The following SORL1 variants were observed in gnomAD, a reference collection of about 807,000 sequenced individuals.
SORL1 encodes the protein sortilin-related receptor.
In SORL1, 127 loss-of-function variants were observed where a neutral mutation model predicts 273.7. That is an observed-to-expected ratio of 0.46 (90% CI 0.40 to 0.54). The LOEUF is 0.54. SORL1 is among the 20% of genes least tolerant of loss of function. The probability of loss-of-function intolerance (pLI) is 0.00; values close to 1 mark genes in which losing one functional copy is unlikely to be tolerated. For missense variants in SORL1, 2,494 were observed against 2,846.1 expected (o/e 0.88, Z 2.81); for synonymous variants, 1,031 against 1,067.4 (o/e 0.97, Z 0.66).
chr11:121,502,401 G>C (rs190813352), intron 6 of SORL1, among the ~76,000 whole-genome samples: 5 of 152,244 alleles, frequency 3.3e-5, no homozygotes, highest in Admixed American at 3.3e-4. Flanking sequence ...CTCCCAAAGT[G>C]CTGGGATTAC....
chr11:121,476,038 C>T (rs369376261), intron 2 of SORL1, among the ~76,000 whole-genome samples: 214 of 152,290 alleles, frequency 1.4e-3, no homozygotes, highest in Non-Finnish European at 1.7e-3. Flanking sequence ...AGGAGTATTA[C>T]ATACTGAAAA....
intron 28 of SORL1, 138 bp from the exon 29 acceptor site, chr11:121,589,121 T>C: frequency 1.2e-6 from 1 of 869,404 alleles, no homozygotes; most frequent in East Asian, 2.5e-5. Context: ...GTTTGGCTTT[T>C]GCTTTCAAGG....
In SORL1 at chr11:121,627,506, G is replaced by A; in HGVS notation, c.6365-49G>A. 6.6e-7 allele frequency: 1 copy of A among 1,522,514 alleles called. No homozygotes were observed. The highest frequency in any genetic ancestry group is 9.1e-7 in the Non-Finnish European group (1 of 1,097,542). The allele number at this position is 1,522,514 out of a possible 1,614,324, so 94.3% of individuals were successfully genotyped here. A position where few individuals can be genotyped will look rare whatever the true frequency, so the allele number is the denominator to read the frequency against. ...GGGGCCTTGAGGAGTCATCTGGTCT[G>A]TTCTCCTGCCCTCAGGTGGGCTTAT... On this transcript the variant is annotated intron_variant, in intron 46 of 47. Coordinates refer to ENST00000260197, the MANE Select transcript of SORL1 (RefSeq NM_003105.6). The surrounding 1 kb of genome is among the most constrained non-coding windows in gnomAD (Gnocchi z 4.9).
intron 35 of SORL1, 138 bp from the exon 36 acceptor site, chr11:121,606,707 C>A: frequency 1.5e-6 from 1 of 653,604 alleles, no homozygotes; most frequent in South Asian, 1.9e-5. Context: ...AATGTGACGA[C>A]CAAGCTAGCA....
Position 121,535,170 on chromosome 11 carries a change from C to T in SORL1, c.1685+2618C>T, listed in dbSNP as rs368353423. Among the ~76,000 whole-genome samples the T allele has an allele frequency of 3.0e-4, 46 of 152,196 alleles. No homozygotes were observed. In the East Asian group the frequency reaches 7.1e-3, roughly 24 times the overall value. The stretch of plus-strand genomic sequence containing the variant: ...TTGCACAGCTCCAAGGGGACCACTG[C>T]CACTGTGCTCCATGTCAATGACAAC... On this transcript the variant is annotated intron_variant, in intron 12 of 47. Coordinates refer to ENST00000260197, the MANE Select transcript of SORL1 (RefSeq NM_003105.6).
intron 21 of SORL1, among the ~76,000 whole-genome samples, chr11:121,565,361 G>A (rs1862740253): frequency 6.6e-6 from 1 of 152,144 alleles, no homozygotes; most frequent in African/African-American, 2.4e-5. Flanking sequence ...TGTTGCCATA[G>A]CATTGTGATT....
At chr11:121,575,601 C>T (rs1412533852) in intron 24 of SORL1, among the ~76,000 whole-genome samples, 1 of 152,246 alleles carries the variant, frequency 6.6e-6, no homozygotes, top group African/African-American at 2.4e-5. Flanking sequence ...AGTTAACCAG[C>T]AGAGCAGAGC....
chr11:121,576,887 C>T (rs1321621577), intron 24 of SORL1: 1 of 1,535,638 alleles, frequency 6.5e-7, no homozygotes, highest in Non-Finnish European at 8.7e-7. Flanking sequence ...AAACCACAGG[C>T]TGTGTCTGTA....
At chr11:121,511,290 AT>A (rs1162289579) in intron 6 of SORL1, among the ~76,000 whole-genome samples, 1 of 152,130 alleles carries the variant, frequency 6.6e-6, no homozygotes, top group Non-Finnish European at 1.5e-5. Flanking sequence ...ATCGTTAAGT[AT>A]TTTTAACTAA....
intron 6 of SORL1, among the ~76,000 whole-genome samples, chr11:121,504,195 C>T (rs1390245059): frequency 6.6e-6 from 1 of 152,126 alleles, no homozygotes; most frequent in Non-Finnish European, 1.5e-5. Flanking sequence ...GGGCGGATCA[C>T]GAGGCCAGGA....
intron 2 of SORL1, among the ~76,000 whole-genome samples, chr11:121,477,578 T>G (rs371717211): frequency 1.3e-5 from 2 of 152,234 alleles, no homozygotes; most frequent in South Asian, 4.1e-4. Context: ...TTCCAGGCAG[T>G]GGGGACTGCA....
At chr11:121,590,266 T>C in intron 30 of SORL1, 92 bp downstream of exon 30, 1 of 1,341,438 alleles carries the variant, frequency 7.5e-7, no homozygotes, top group Non-Finnish European at 1.0e-6. Flanking sequence ...GCTGATTCCG[T>C]GTTTTGGGGG....
chr11:121,478,358 T>TTTGTA, intron 3 of SORL1, 115 bp downstream of exon 3: 1 of 1,211,508 alleles, frequency 8.3e-7, no homozygotes, highest in Non-Finnish European at 1.1e-6. Flanking sequence ...GTAGCATGAC[T>TTTGTA]GGTGGCTAGT....
intron 38 of SORL1, chr11:121,609,177 C>A (rs2134929505): frequency 6.6e-6 from 1 of 152,312 alleles, no homozygotes; most frequent in Non-Finnish European, 1.5e-5. Flanking sequence ...CTGTGGCATG[C>A]AATAGGACTG....
At chr11:121,602,268 G>C (rs769241452) in intron 32 of SORL1, among the ~76,000 whole-genome samples, 1 of 152,222 alleles carries the variant, frequency 6.6e-6, no homozygotes, top group African/African-American at 2.4e-5. Flanking sequence ...ATTATAGTTT[G>C]TGAAAAGCCT....
chr11:121,528,065 G>A lies in SORL1; in HGVS notation c.1597-4399G>A, dbSNP rs1389969762. On this transcript the variant is annotated intron_variant, in intron 11 of 47. Coordinates refer to ENST00000260197, the MANE Select transcript of SORL1 (RefSeq NM_003105.6). ...TTTTATATCTTCTTTTCTAATGTAA[G>A]CATTTAAAGCTGTAAGTTTTCCTTT... 4.6e-5 allele frequency among the ~76,000 whole-genome samples: 7 copies of A among 151,900 alleles called. No individual in the cohort carries two copies. The East Asian group carries it at 1.2e-3, about 25-fold the overall frequency.
At chr11:121,498,597 C>G (rs148999023) in intron 6 of SORL1, among the ~76,000 whole-genome samples, 2 of 152,190 alleles carry the variant, frequency 1.3e-5, no homozygotes, top group Non-Finnish European at 1.5e-5. Flanking sequence ...CCAGCTGGGC[C>G]GGGCATGGTG....
At chr11:121,533,732 G>GT (rs144445867) in intron 12 of SORL1, among the ~76,000 whole-genome samples, 3,257 of 151,400 alleles carry the variant, frequency 0.022, 55 homozygotes, top group Non-Finnish European at 0.035. Context: ...CTTAGCAGCT[G>GT]TTTTTTTTTC....
chr11:121,628,110 TC>T (rs1208189870), intron 47 of SORL1, among the ~76,000 whole-genome samples: 1 of 152,142 alleles, frequency 6.6e-6, no homozygotes, highest in African/African-American at 2.4e-5. Context: ...TCTCTGGAGA[TC>T]CTAACTCAAG....
Sources: allele counts gnomAD v4.1 joint callset (sites outside exome capture counted in the v4.1 genomes callset), GRCh38; gene constraint gnomAD v4.1.1; non-coding constraint Gnocchi (gnomAD v3.1); transcripts MANE v1.5; gene names NCBI Gene and HGNC (gene_info 2026-07-23, HGNC 2026-07-21).